Variants in TBL1XR1 observed in about 807,000 individuals in gnomAD.
TBL1XR1 encodes TBL1X/Y related 1, also known as F-box-like/WD repeat-containing protein TBL1XR1.
Under a neutral mutation model 66.9 loss-of-function variants are expected in TBL1XR1, and 5 were observed. The observed-to-expected ratio is 0.07, with a 90% CI of 0.04 to 0.16. The LOEUF is 0.16. Ranked by LOEUF, TBL1XR1 falls within the 10% of genes least tolerant of loss-of-function variation. The probability of loss-of-function intolerance (pLI) is 1.00; values close to 1 mark genes in which losing one functional copy is unlikely to be tolerated. For synonymous variants in TBL1XR1, 210 were observed against 206.0 expected, an observed-to-expected ratio of 1.02 and a Z score of -0.17; for missense variants, 238 against 623.2, an observed-to-expected ratio of 0.38 and a Z score of 6.58.
chr3:177,108,377 G>C (rs948023307), intron 1 of TBL1XR1, among the ~76,000 whole-genome samples: 4 of 152,160 alleles, frequency 2.6e-5, no homozygotes, highest in Non-Finnish European at 5.9e-5. Flanking sequence ...TTAAAAGACA[G>C]TGGGGGTAAG....
chr3:177,101,725 C>G (rs2108680258), intron 1 of TBL1XR1, among the ~76,000 whole-genome samples: 1 of 152,308 alleles, frequency 6.6e-6, no homozygotes, highest in South Asian at 2.1e-4. Context: ...ATTACCCAGT[C>G]TATGGTATTC....
chr3:177,093,234 A>G (rs904617423), intron 2 of TBL1XR1, among the ~76,000 whole-genome samples: 4 of 152,180 alleles, frequency 2.6e-5, no homozygotes, highest in Non-Finnish European at 4.4e-5. Flanking sequence ...AGCTGCAAAA[A>G]TAAAATAAAA....
chr3:177,070,171 G>T (rs1030994610), intron 2 of TBL1XR1, among the ~76,000 whole-genome samples: 8 of 151,978 alleles, frequency 5.3e-5, no homozygotes, highest in African/African-American at 1.9e-4. Flanking sequence ...GAGTCACTTT[G>T]ATTTAAGTCC....
chr3:177,121,109 C>A (rs573086376), intron 1 of TBL1XR1, among the ~76,000 whole-genome samples: 1 of 152,266 alleles, frequency 6.6e-6, no homozygotes, highest in East Asian at 1.9e-4. Context: ...TTATAACCTA[C>A]GGCTTGTCAT....
intron 2 of TBL1XR1, among the ~76,000 whole-genome samples, chr3:177,093,196 A>C (rs1723047278): frequency 6.6e-6 from 1 of 152,164 alleles, no homozygotes; most frequent in Admixed American, 6.5e-5. Context: ...CAAACCAAGA[A>C]CTCAAACCCT....
chr3:177,080,693 T>G (rs1721289210), intron 2 of TBL1XR1, among the ~76,000 whole-genome samples: 1 of 152,196 alleles, frequency 6.6e-6, no homozygotes, highest in South Asian at 2.1e-4. Flanking sequence ...TTAAGTTTTC[T>G]ATACTGAAAG....
chr3:177,156,518 TACAC>T (rs35566193), intron 1 of TBL1XR1, among the ~76,000 whole-genome samples: 17,119 of 139,624 alleles, frequency 0.12, 1,158 homozygotes, highest in African/African-American at 0.15. Context: ...TATATATACA[TACAC>T]ACACACACAC....
At chr3:177,111,479 C>T (rs983463658) in intron 1 of TBL1XR1, among the ~76,000 whole-genome samples, 2 of 152,012 alleles carry the variant, frequency 1.3e-5, no homozygotes, top group South Asian at 2.1e-4. Flanking sequence ...CTGGGAGGAT[C>T]GGTTGAGCCT....
Position 177,128,511 on chromosome 3 carries a change from C to CA in TBL1XR1, c.-121-29971dup, listed in dbSNP as rs1212602604. On this transcript the variant is annotated intron_variant, in intron 1 of 15. Coordinates refer to ENST00000457928, the MANE Select transcript of TBL1XR1 (RefSeq NM_024665.7). ...ACCTCAGTCCCCCAAGTAGCTAGGA[C>CA]AACAGATGCATCCCACCACGCCTGG... Among the ~76,000 whole-genome samples the CA allele has an allele frequency of 3.3e-5, 5 of 152,122 alleles. No individual in the cohort carries two copies. In the East Asian group the frequency reaches 5.8e-4, roughly 18 times the overall value.
At chr3:177,033,645 T>A (rs898158870) in intron 13 of TBL1XR1, among the ~76,000 whole-genome samples, 1 of 152,080 alleles carries the variant, frequency 6.6e-6, no homozygotes, top group African/African-American at 2.4e-5. Flanking sequence ...ATAATAAAAC[T>A]CAGTGTTTAA....
chr3:177,040,200 A>G (rs368805559), intron 10 of TBL1XR1, among the ~76,000 whole-genome samples: 35 of 152,270 alleles, frequency 2.3e-4, no homozygotes, highest in African/African-American at 8.2e-4. Flanking sequence ...CTATAGTCCC[A>G]GCTACTTGGA....
At position 177,133,628 on chromosome 3, in the gene TBL1XR1, G is replaced by A. The variant is rs917837564; in HGVS notation, c.-121-35087C>T. ...AGAAGTAACACTCTATGCACTAGGT[G>A]TGGTGGCTCACACCTGTAATGCCAA... On this transcript the variant is annotated intron_variant, in intron 1 of 15. Transcript: ENST00000457928. Among the ~76,000 whole-genome samples the A allele has an allele frequency of 3.3e-5, 5 of 152,112 alleles. No individual in the cohort carries two copies. The East Asian group carries it at 9.6e-4, about 29-fold the overall frequency.
rs1172553650 is a variant in TBL1XR1 at position 177,022,958 on chromosome 3, T to C, written c.*2540A>G. 1 of 152,246 alleles carries C rather than the reference T, an allele frequency of 6.6e-6. No homozygotes were observed. The highest frequency in any genetic ancestry group is 2.4e-5 in the African/African-American group (1 of 41,374). 9.4% of individuals were successfully genotyped at this position (152,246 alleles called of 1,614,324 possible). A position where few individuals can be genotyped will look rare whatever the true frequency, so the allele number is the denominator to read the frequency against. On this transcript the variant is annotated 3_prime_UTR_variant, in exon 16 of 16. Coordinates refer to ENST00000457928, the MANE Select transcript of TBL1XR1 (RefSeq NM_024665.7). Reference sequence around the variant, plus strand: ...AAGACGTCAGGATAATAAAGCTCTGTATTTATAATCTTTTATATGTCCTAT... The same window carrying C: ...AAGACGTCAGGATAATAAAGCTCTGCATTTATAATCTTTTATATGTCCTAT...
intron 14 of TBL1XR1, chr3:177,032,465 A>C (rs1714142489): frequency 6.6e-6 from 1 of 152,244 alleles, no homozygotes; most frequent in African/African-American, 2.4e-5. Flanking sequence ...AGAGCAAAAA[A>C]CTAAAACATT....
At chr3:177,196,948 C>T (rs990968929) in intron 1 of TBL1XR1, among the ~76,000 whole-genome samples, 173 bp downstream of exon 1, 2 of 151,804 alleles carry the variant, frequency 1.3e-5, no homozygotes, top group South Asian at 4.1e-4. Flanking sequence ...AAGTGCCCTC[C>T]CTGCCTTCCC....
chr3:177,139,243 C>T (rs1363212197), intron 1 of TBL1XR1, among the ~76,000 whole-genome samples: 1 of 152,096 alleles, frequency 6.6e-6, no homozygotes, highest in Non-Finnish European at 1.5e-5. Context: ...AAGCACTGGC[C>T]GGGTGTGGTG....
At chr3:177,195,409 C>G (rs950597710) in intron 1 of TBL1XR1, among the ~76,000 whole-genome samples, 4 of 128,022 alleles carry the variant, frequency 3.1e-5, no homozygotes, top group Non-Finnish European at 5.3e-5. Context: ...TTCGGGGAGA[C>G]AAAGGTGCCC....
intron 1 of TBL1XR1, among the ~76,000 whole-genome samples, chr3:177,163,743 G>C (rs1177984392): frequency 2.6e-5 from 4 of 152,134 alleles, no homozygotes; most frequent in Non-Finnish European, 5.9e-5. Flanking sequence ...GGTAGGGGTA[G>C]GGGTAGGGGA....
chr3:177,066,822 C>T (rs994030110), intron 2 of TBL1XR1, among the ~76,000 whole-genome samples: 2 of 152,086 alleles, frequency 1.3e-5, no homozygotes, highest in Non-Finnish European at 2.9e-5. Context: ...GACAACTGAA[C>T]GGTTGGTACT....
Sources: gnomAD v4.1 joint callset for allele counts (sites outside exome capture counted in the v4.1 genomes callset) on GRCh38, gnomAD v4.1.1 for gene constraint, MANE v1.5 for transcripts, NCBI Gene and HGNC (gene_info 2026-07-23, HGNC 2026-07-21) for gene names.